Variants in DCAF8 observed in about 807,000 individuals in gnomAD.
DCAF8 encodes the protein DDB1 and CUL4 associated factor 8, also known as DDB1- and CUL4-associated factor 8.
A neutral mutation model predicts 68.0 loss-of-function variants in DCAF8; 20 were observed. The ratio of observed to expected loss-of-function variants is 0.29; its 90% CI spans 0.21 to 0.43. The LOEUF is 0.43. Among genes scored for constraint, DCAF8 ranks in the 20% least tolerant of loss-of-function variants. DCAF8 has a pLI of 1.00. For synonymous variants in DCAF8, 230 were observed against 276.9 expected, an observed-to-expected ratio of 0.83 and a Z score of 1.68; for missense variants, 460 against 771.0, an observed-to-expected ratio of 0.60 and a Z score of 4.78.
chr1:160,248,247 C>T (rs1417646216), intron 2 of DCAF8, among the ~76,000 whole-genome samples: 1 of 151,426 alleles, frequency 6.6e-6, no homozygotes, highest in Non-Finnish European at 1.5e-5. Context: ...GTGGAGGTTG[C>T]AGTGAGCCAA....
At chr1:160,257,429 G>A (rs1656881453) in intron 2 of DCAF8, among the ~76,000 whole-genome samples, 1 of 152,152 alleles carries the variant, frequency 6.6e-6, no homozygotes, top group African/African-American at 2.4e-5. Context: ...TAGAAATAAT[G>A]GAGTAATGAA....
intron 2 of DCAF8, among the ~76,000 whole-genome samples, chr1:160,244,860 C>T (rs548103899): frequency 6.6e-6 from 1 of 152,134 alleles, no homozygotes; most frequent in Admixed American, 6.5e-5. Context: ...CCGCCCGCCT[C>T]GGCCTCCCAA....
At chr1:160,232,228 A>T (rs1210805927) in intron 6 of DCAF8, among the ~76,000 whole-genome samples, 6 of 151,832 alleles carry the variant, frequency 4.0e-5, no homozygotes, top group Non-Finnish European at 5.9e-5. Flanking sequence ...AAGTCACTTA[A>T]AACCCAACTT....
chr1:160,238,427 C>T (rs913720095), intron 5 of DCAF8, among the ~76,000 whole-genome samples, 180 bp downstream of exon 5: 1 of 152,154 alleles, frequency 6.6e-6, no homozygotes, highest in Non-Finnish European at 1.5e-5. Flanking sequence ...AGATACTTGC[C>T]TTCCTAGGAG....
At chr1:160,260,437 T>C (rs893632276) in intron 2 of DCAF8, among the ~76,000 whole-genome samples, 1 of 152,224 alleles carries the variant, frequency 6.6e-6, no homozygotes, top group Non-Finnish European at 1.5e-5. Context: ...AGTCATCAGA[T>C]GGAATAAAAC....
chr1:160,244,901 G>A (rs1240828315), intron 2 of DCAF8, among the ~76,000 whole-genome samples: 2 of 152,128 alleles, frequency 1.3e-5, no homozygotes, highest in South Asian at 2.1e-4. Flanking sequence ...GAGCCACCAC[G>A]CCCAGCCCAA....
intron 10 of DCAF8, 54 bp from the exon 11 acceptor site, chr1:160,222,835 T>C (rs779210703): frequency 1.2e-6 from 2 of 1,605,598 alleles, no homozygotes; most frequent in South Asian, 1.1e-5. Context: ...CAGGCCTATA[T>C]ACATTCATCT....
At chr1:160,254,182 T>C (rs1656728659) in intron 2 of DCAF8, among the ~76,000 whole-genome samples, 2 of 151,694 alleles carry the variant, frequency 1.3e-5, no homozygotes, top group African/African-American at 2.4e-5. Context: ...ATAAGCTAGG[T>C]ATGGTGGTGC....
intron 6 of DCAF8, among the ~76,000 whole-genome samples, chr1:160,233,850 G>A (rs74125521): frequency 0.016 from 2,413 of 152,226 alleles, 63 homozygotes; most frequent in African/African-American, 0.049. Flanking sequence ...TCTGCAGGGG[G>A]CATGCAGAGG....
At chr1:160,221,531 A>G (rs1365192482) in intron 11 of DCAF8, among the ~76,000 whole-genome samples, 1 of 152,222 alleles carries the variant, frequency 6.6e-6, no homozygotes, top group Non-Finnish European at 1.5e-5. Flanking sequence ...CAAGAAAAAC[A>G]TAAGGAATGG....
At chr1:160,224,340 C>T in intron 10 of DCAF8, 102 bp downstream of exon 10, 1 of 817,598 alleles carries the variant, frequency 1.2e-6, no homozygotes, top group Non-Finnish European at 2.0e-6. Context: ...GTGCCCATGG[C>T]AACACAGGCA....
chr1:160,237,212 G>A lies in DCAF8; in HGVS notation c.882C>T (p.Asp294=). The change falls in exon 6 of 14, where the codon GAC becomes GAT. Residue 294 remains aspartate (D), a synonymous_variant. Coordinates refer to ENST00000368074, the MANE Select transcript of DCAF8 (RefSeq NM_015726.4). ...GASHKLALEP[D]SPCTFLSAGE... is the part of the protein sequence containing the mutation. ...CTGCAGATAAGAACGTACAGGGAGA[G>A]TCTGGTTCCAGTGCCAACTGAAGAA... The A allele has an allele frequency of 6.4e-7, 1 of 1,572,666 alleles. No homozygotes were observed. Among genetic ancestry groups the A allele is most frequent in the Non-Finnish European group, 8.6e-7 (1 of 1,156,886 alleles).
intron 12 of DCAF8, 58 bp downstream of exon 12, chr1:160,218,791 A>AT (rs1655205580): frequency 3.1e-6 from 5 of 1,603,720 alleles, no homozygotes; most frequent in Non-Finnish European, 4.3e-6. Context: ...TATGACAATA[A>AT]GAATCAACAG....
At chr1:160,226,571 T>C (rs1322924555) in intron 7 of DCAF8, among the ~76,000 whole-genome samples, 1 of 152,200 alleles carries the variant, frequency 6.6e-6, no homozygotes, top group African/African-American at 2.4e-5. Flanking sequence ...AAAAATGCTT[T>C]TCATTTCATC....
intron 6 of DCAF8, among the ~76,000 whole-genome samples, chr1:160,234,571 A>C (rs1178504993): frequency 1.3e-5 from 2 of 152,200 alleles, no homozygotes; most frequent in Non-Finnish European, 2.9e-5. Context: ...GTGGCCTAAC[A>C]GTAGTTTCCC....
rs1025479761 is a variant in DCAF8 at position 160,239,050 on chromosome 1, G to A, written c.724-303C>T. On this transcript the variant is annotated intron_variant, in intron 4 of 13. Transcript: ENST00000368074. ...CTAGCAGAGGAGAAAAGGAATAGAG[G>A]AGGAAAAATCTACTTTGATTAAGAA... is the stretch of plus-strand genomic sequence containing the variant. 1.2e-5 allele frequency: 7 copies of A among 582,720 alleles called. No homozygotes were observed. The African/African-American group carries it at 1.4e-4, about 12-fold the overall frequency. The allele number at this position is 582,720 out of a possible 1,614,324, so 36.1% of individuals were successfully genotyped here.
At chr1:160,222,996 A>C (rs571141322) in intron 10 of DCAF8, among the ~76,000 whole-genome samples, 76 of 152,360 alleles carry the variant, frequency 5.0e-4, no homozygotes, top group African/African-American at 1.6e-3. Flanking sequence ...GTCCTTTAGC[A>C]GCAGCCTTAG....
At chr1:160,243,592 A>G (rs1656207508) in intron 3 of DCAF8, among the ~76,000 whole-genome samples, 1 of 152,000 alleles carries the variant, frequency 6.6e-6, no homozygotes, top group Admixed American at 6.6e-5. Flanking sequence ...GGGACCTCTC[A>G]ATATAACTGG....
At chr1:160,236,863 A>G (rs988967169) in intron 6 of DCAF8, among the ~76,000 whole-genome samples, 10 of 152,258 alleles carry the variant, frequency 6.6e-5, no homozygotes, top group African/African-American at 1.7e-4. Flanking sequence ...GGTAAGATGA[A>G]TGATATCCAA....
Sources: gnomAD v4.1 joint callset for allele counts (sites outside exome capture counted in the v4.1 genomes callset) on GRCh38, gnomAD v4.1.1 for gene constraint, MANE v1.5 for transcripts, NCBI Gene and HGNC (gene_info 2026-07-23, HGNC 2026-07-21) for gene names.